NTRK3: variants seen among roughly 807,000 people sequenced by gnomAD.
NTRK3 encodes the protein neurotrophic receptor tyrosine kinase 3.
Under a neutral mutation model 91.7 loss-of-function variants are expected in NTRK3, and 24 were observed. The observed-to-expected ratio is 0.26, with a 90% CI of 0.19 to 0.37. The LOEUF is 0.37. NTRK3 is among the 10% of genes least tolerant of loss of function. The probability of loss-of-function intolerance (pLI) is 1.00; values close to 1 mark genes in which losing one functional copy is unlikely to be tolerated. For missense variants in NTRK3, 880 were observed against 1,068.9 expected (o/e 0.82, Z 2.46); for synonymous variants, 483 against 404.0 (o/e 1.20, Z -2.34).
intron 17 of NTRK3, among the ~76,000 whole-genome samples, chr15:87,897,030 G>A (rs983317736): frequency 6.6e-6 from 1 of 152,108 alleles, no homozygotes. Context: ...GACAGTTTAC[G>A]CAAACAGCAT....
chr15:88,126,026 C>A (rs2053250262), intron 13 of NTRK3, among the ~76,000 whole-genome samples: 1 of 152,160 alleles, frequency 6.6e-6, no homozygotes, highest in African/African-American at 2.4e-5. Context: ...CCCTTCTAAG[C>A]AATGTTTATC....
intron 4 of NTRK3, 43 bp from the exon 5 acceptor site, chr15:88,183,532 G>A (rs1260790281): frequency 6.4e-7 from 1 of 1,571,860 alleles, no homozygotes; most frequent in African/African-American, 1.4e-5. Context: ...TCAAGTGGCA[G>A]AGGGATATCT....
intron 11 of NTRK3, 127 bp downstream of exon 11, chr15:88,128,584 A>C: frequency 1.0e-6 from 1 of 987,764 alleles, no homozygotes; most frequent in South Asian, 1.3e-5. Context: ...TTCACAGTTC[A>C]CTCAGATGCC....
chr15:88,087,450 C>T (rs895817919), intron 13 of NTRK3, among the ~76,000 whole-genome samples: 1 of 152,214 alleles, frequency 6.6e-6, no homozygotes, highest in African/African-American at 2.4e-5. Flanking sequence ...TAAATTTCCA[C>T]TGTCACTCAG....
At chr15:87,955,537 A>G (rs1317226109) in intron 14 of NTRK3, among the ~76,000 whole-genome samples, 1 of 152,234 alleles carries the variant, frequency 6.6e-6, no homozygotes. Context: ...TGCCGTTCAC[A>G]TTGGCATAGA....
exon 19 of NTRK3, chr15:87,871,896 T>C (rs1427092521): frequency 4.5e-6 from 1 of 220,004 alleles, no homozygotes; most frequent in African/African-American, 2.2e-5. Flanking sequence ...CCCAAGCCCA[T>C]ATTGATGTCT....
intron 6 of NTRK3, among the ~76,000 whole-genome samples, chr15:88,145,123 G>A (rs1376800115): frequency 5.9e-5 from 9 of 152,142 alleles, no homozygotes; most frequent in Non-Finnish European, 8.8e-5. Context: ...CAGTCTAGAT[G>A]GCTCATGGCA....
chr15:87,982,670 C>G (rs751719368), intron 14 of NTRK3, among the ~76,000 whole-genome samples: 6 of 152,256 alleles, frequency 3.9e-5, no homozygotes, highest in Non-Finnish European at 7.4e-5. Flanking sequence ...AGCACCCATA[C>G]GATTGGATGA....
chr15:88,110,926 T>C (rs2051271954), intron 13 of NTRK3, among the ~76,000 whole-genome samples: 1 of 151,842 alleles, frequency 6.6e-6, no homozygotes, highest in Non-Finnish European at 1.5e-5. Context: ...GGAGCCCAGA[T>C]GGAATGGTGG....
chr15:88,220,892 C>A lies in NTRK3; in HGVS notation c.248+35014G>T, dbSNP rs75207339. On this transcript the variant is annotated intron_variant, in intron 3 of 18. Transcript: ENST00000394480. The stretch of plus-strand genomic sequence containing the variant: ...AGATCAACCCGTCCAGAGATCTAAA[C>A]CCTGGATGCCTCTGAACCTCCAGGG... Among the ~76,000 whole-genome samples the A allele has an allele frequency of 6.7e-3, 1,019 of 152,298 alleles. 10 individuals carry two copies. Among genetic ancestry groups the A allele is most frequent in the African/African-American group, 0.024 (990 of 41,560 alleles).
chr15:88,168,955 A>G (rs2045253894), intron 5 of NTRK3, among the ~76,000 whole-genome samples: 1 of 152,242 alleles, frequency 6.6e-6, no homozygotes, highest in Non-Finnish European at 1.5e-5. Context: ...GAAACCTGAA[A>G]GAGGAATAGA....
At chr15:88,073,440 G>A (rs571664028) in intron 13 of NTRK3, among the ~76,000 whole-genome samples, 3 of 152,178 alleles carry the variant, frequency 2.0e-5, no homozygotes, top group Non-Finnish European at 4.4e-5. Flanking sequence ...AAGAGTCAGG[G>A]GTGGGGCCCA....
chr15:87,938,766 C>G (rs373251278), intron 15 of NTRK3, among the ~76,000 whole-genome samples: 14 of 152,132 alleles, frequency 9.2e-5, no homozygotes, highest in Admixed American at 2.0e-4. Context: ...ATTAAAAATG[C>G]CAGGGCAGTG....
chr15:87,896,580 C>G (rs888724218), intron 17 of NTRK3, among the ~76,000 whole-genome samples: 4 of 151,798 alleles, frequency 2.6e-5, no homozygotes, highest in African/African-American at 7.3e-5. Flanking sequence ...TTCTTTTTAT[C>G]CTGGTGTATA....
chr15:88,230,130 A>G (rs1268462076), intron 3 of NTRK3, among the ~76,000 whole-genome samples: 3 of 152,230 alleles, frequency 2.0e-5, no homozygotes, highest in Admixed American at 2.0e-4. Context: ...TCATCTAAAA[A>G]GTGGGAATCA....
In NTRK3 at chr15:88,156,861, C is replaced by T. The variant is rs138685049; in HGVS notation, c.396-9458G>A. Among the ~76,000 whole-genome samples the T allele has an allele frequency of 1.4e-4, 22 of 152,212 alleles. No homozygotes were observed. In the East Asian group the frequency reaches 3.1e-3, roughly 21 times the overall value. On this transcript the variant is annotated intron_variant, in intron 5 of 18. Coordinates refer to ENST00000394480, the Ensembl canonical transcript of NTRK3. ...TGGAACCCAGTAAGTGCTCAAAGAA[C>T]GTATGGAAAGTTCAACGGAAGACCC...
chr15:88,061,168 C>A (rs1052367538), intron 13 of NTRK3, among the ~76,000 whole-genome samples: 5 of 152,050 alleles, frequency 3.3e-5, no homozygotes, highest in Non-Finnish European at 5.9e-5. Context: ...CAGCTTACCC[C>A]CAACCAACTA....
chr15:88,207,444 G>A (rs2048888140), intron 3 of NTRK3, among the ~76,000 whole-genome samples: 1 of 152,144 alleles, frequency 6.6e-6, no homozygotes, highest in Non-Finnish European at 1.5e-5. Flanking sequence ...TCCTCCAAAA[G>A]CTTCTGTTAA....
At chr15:87,948,649 C>G (rs1259003386) in intron 14 of NTRK3, among the ~76,000 whole-genome samples, 3 of 152,200 alleles carry the variant, frequency 2.0e-5, no homozygotes, top group Non-Finnish European at 2.9e-5. Flanking sequence ...TATTGCGCCA[C>G]TGCACTCCAG....
Sources: gnomAD v4.1 joint callset for allele counts (sites outside exome capture counted in the v4.1 genomes callset) on GRCh38, gnomAD v4.1.1 for gene constraint, MANE v1.5 for transcripts, NCBI Gene and HGNC (gene_info 2026-07-23, HGNC 2026-07-21) for gene names.